NFRKB: variants seen among roughly 807,000 people sequenced by gnomAD.
NFRKB encodes the protein nuclear factor related to kappaB binding protein, also known as nuclear factor related to kappa-B-binding protein.
NFRKB carries 62 observed loss-of-function variants against 135.7 expected under a neutral mutation model. The observed-to-expected ratio is 0.46, with a 90% CI of 0.37 to 0.56. NFRKB has a LOEUF of 0.56. Ranked by LOEUF, NFRKB falls within the 20% of genes least tolerant of loss-of-function variation. The pLI is 0.00. For missense variants in NFRKB, 1,545 were observed against 1,662.0 expected (o/e 0.93, Z 1.22); for synonymous variants, 678 against 635.6 (o/e 1.07, Z -1.00).
chr11:129,875,357 C>T lies in NFRKB; in HGVS notation c.1854G>A (p.Gln618=). 1 of 1,609,448 alleles carries T rather than the reference C, an allele frequency of 6.2e-7. No individual in the cohort carries two copies. The highest frequency in any genetic ancestry group is 8.5e-7 in the Non-Finnish European group (1 of 1,177,126). Residue 618 remains glutamine, a splice_region_variant and synonymous_variant, in exon 18 of 27, where the codon CAG becomes CAA. Transcript: ENST00000682444. The part of the protein sequence containing the change: ...QFLAPDVTST[Q]VNTVVSGALD... ...AAAAGTAATCTCTTCTCCGTCCTAC[C>T]TGAGTGCTGGTGACATCTGGTGCAA...
Position 129,879,677 on chromosome 11 carries a change from G to A in NFRKB, c.1385-1134C>T, listed in dbSNP as rs530511418. ...ATCTCTATAGTCAACCCCTGCCCCC[G>A]CACTCTCATGCTGTCACTCAGCCCC... On this transcript the variant is annotated intron_variant, in intron 13 of 26. Coordinates refer to ENST00000682444, the MANE Select transcript of NFRKB (RefSeq NM_001143835.2). 3.9e-5 allele frequency among the ~76,000 whole-genome samples: 6 copies of A among 152,100 alleles called. No homozygotes were observed. The East Asian group carries it at 7.7e-4, about 20-fold the overall frequency.
chr11:129,883,093 A>G, intron 9 of NFRKB, 29 bp downstream of exon 9: 2 of 1,604,682 alleles, frequency 1.2e-6, no homozygotes, highest in Non-Finnish European at 1.7e-6. Flanking sequence ...TAGTCAGATG[A>G]AGGCTCCTAG....
chr11:129,890,005 G>C (rs925187401), intron 3 of NFRKB, among the ~76,000 whole-genome samples: 1 of 146,188 alleles, frequency 6.8e-6, no homozygotes, highest in Non-Finnish European at 1.5e-5. Context: ...ATACGCTTCT[G>C]TGTGATACTT....
intron 23 of NFRKB, 82 bp downstream of exon 23, chr11:129,872,802 A>T: frequency 7.3e-7 from 1 of 1,365,044 alleles, no homozygotes; most frequent in Non-Finnish European, 1.0e-6. Context: ...ATGGGCATGC[A>T]GTCTGGCCAA....
intron 1 of NFRKB, among the ~76,000 whole-genome samples, chr11:129,894,757 G>A (rs1486055370): frequency 6.6e-6 from 1 of 152,184 alleles, no homozygotes; most frequent in East Asian, 1.9e-4. Context: ...ACAGCACATA[G>A]CATGTGAGTT....
Position 129,874,012 on chromosome 11 carries a change from A to G in NFRKB, c.2283T>C (p.Val761=), listed in dbSNP as rs758179635. Residue 761 remains valine, a synonymous_variant, in exon 22 of 27, where the codon GTT becomes GTC. Coordinates refer to ENST00000682444, the MANE Select transcript of NFRKB (RefSeq NM_001143835.2). This position sits in a 1 kb window ranked among gnomAD's most constrained non-coding sequence, Gnocchi z 4.5. ...VSEPAKSSSG[V]LLVSSPTMPH... is the part of the protein sequence containing the mutation. ...GCATTGTTGGTGAAGACACCAGAAG[A>G]ACACTATGAAGAACATCGGGGAAAG... 1.2e-6 allele frequency: 2 copies of G among 1,611,928 alleles called. No homozygotes were observed. Among genetic ancestry groups the G allele is most frequent in the Non-Finnish European group, 1.7e-6 (2 of 1,178,742 alleles).
At position 129,890,278 on chromosome 11, in the gene NFRKB, G is replaced by C. The variant is rs1949496496; in HGVS notation, c.136-1483C>G. 3.9e-5 allele frequency among the ~76,000 whole-genome samples: 6 copies of C among 152,190 alleles called. No homozygotes were observed. In the South Asian group the frequency reaches 1.2e-3, roughly 32 times the overall value. On this transcript the variant is annotated intron_variant, in intron 3 of 26. Coordinates refer to ENST00000682444, the MANE Select transcript of NFRKB (RefSeq NM_001143835.2). ...AAAACACCTCAGTCCCAATGCCCAG[G>C]ATCTTCCCCTGCAAGCCTATTTTTG...
In NFRKB at chr11:129,874,440, C is replaced by A. The variant is rs1056704736; in HGVS notation, c.2058+61G>T. On this transcript the variant is annotated intron_variant, in intron 20 of 26. Transcript: ENST00000682444. This position sits in a 1 kb window ranked among gnomAD's most constrained non-coding sequence, Gnocchi z 4.5. ...CCCACACCAAGTGAAAGCCGAGCAG[C>A]CACTCTTAGTTGCCTCCATCCCAGA... 7.0e-6 allele frequency: 11 copies of A among 1,571,696 alleles called. No homozygotes were observed. The Admixed American group carries it at 2.1e-4, about 30-fold the overall frequency.
chr11:129,888,978 A>ATT (rs375449345), intron 3 of NFRKB, among the ~76,000 whole-genome samples, 183 bp from the exon 4 acceptor site: 1 of 143,840 alleles, frequency 7.0e-6, no homozygotes, highest in African/African-American at 2.5e-5. Context: ...AATTTTTTAC[A>ATT]TTTTTTTTTT....
intron 5 of NFRKB, among the ~76,000 whole-genome samples, 183 bp downstream of exon 5, chr11:129,886,134 C>T (rs1229850836): frequency 6.6e-6 from 1 of 152,214 alleles, no homozygotes; most frequent in Non-Finnish European, 1.5e-5. Flanking sequence ...TTTAACATCT[C>T]TGAAATCAGG....
Position 129,872,954 on chromosome 11 carries a change from C to T in NFRKB, c.2693G>A (p.Gly898Glu). 1.2e-6 allele frequency: 2 copies of T among 1,614,082 alleles called. No homozygotes were observed. The highest frequency in any genetic ancestry group is 1.7e-6 in the Non-Finnish European group (2 of 1,179,980). ...CGTGGAGGCACTGGGAGCAGAGGTC[C>T]CAGGAGAACTCGTGGCTGGCTTACT... ...PVSKPATSSP[G>E]TSAPSASTAA... The change falls in exon 23 of 27, where the codon GGG becomes GAG. Residue 898 changes from glycine (G) to glutamate (E), a missense_variant. By Grantham distance (98) the Gly-to-Glu change is moderately conservative. Coordinates refer to ENST00000682444, the MANE Select transcript of NFRKB (RefSeq NM_001143835.2).
chr11:129,884,706 A>G lies in NFRKB; in HGVS notation c.742+39T>C. On this transcript the variant is annotated intron_variant, in intron 7 of 26. Transcript: ENST00000682444. Reference sequence around the variant, plus strand: ...AAAGGAGTTTTCAGGTCTCCACCGCAATGTCCCAGAATGGTGACAGCGGCA... The same window carrying G: ...AAAGGAGTTTTCAGGTCTCCACCGCGATGTCCCAGAATGGTGACAGCGGCA... 4 of 1,610,032 alleles carry G rather than the reference A, an allele frequency of 2.5e-6. No homozygotes were observed. The South Asian group carries it at 3.3e-5, about 13-fold the overall frequency.
At chr11:129,889,757 G>A (rs1360351910) in intron 3 of NFRKB, among the ~76,000 whole-genome samples, 3 of 151,324 alleles carry the variant, frequency 2.0e-5, no homozygotes, top group African/African-American at 4.8e-5. Context: ...GAAAAAAGAC[G>A]GTGGGGGAGA....
At chr11:129,866,422 C>G (rs1948194631) in intron 24 of NFRKB, among the ~76,000 whole-genome samples, 1 of 151,820 alleles carries the variant, frequency 6.6e-6, no homozygotes, top group East Asian at 1.9e-4. Flanking sequence ...CAGAGGAGCT[C>G]AAGAGTTAAT....
rs1949064962 is a variant in NFRKB at position 129,882,269 on chromosome 11, T to C, written c.1083-75A>G. 5 of 1,404,774 alleles carry C rather than the reference T, an allele frequency of 3.6e-6. No homozygotes were observed. The East Asian group carries it at 9.1e-5, about 26-fold the overall frequency. 87.0% of individuals were successfully genotyped at this position (1,404,774 alleles called of 1,614,324 possible). On this transcript the variant is annotated intron_variant, in intron 10 of 26. Coordinates refer to ENST00000682444, the MANE Select transcript of NFRKB (RefSeq NM_001143835.2). ...CTAGATTGATTCAGGCGCCCAAGCC[T>C]CCTAGCAGTCATAAAAGAGTTCAAG...
chr11:129,885,701 G>T, intron 5 of NFRKB, 92 bp from the exon 6 acceptor site: 1 of 1,253,992 alleles, frequency 8.0e-7, no homozygotes, highest in Non-Finnish European at 1.1e-6. Context: ...CTTCTCTTCA[G>T]TGTTAAGCCC....
intron 3 of NFRKB, among the ~76,000 whole-genome samples, chr11:129,891,592 C>T (rs762351354): frequency 2.0e-5 from 3 of 152,196 alleles, no homozygotes; most frequent in Non-Finnish European, 4.4e-5. Flanking sequence ...TAAGGCCCTA[C>T]ACAGAAATTC....
chr11:129,873,071 T>G lies in NFRKB; in HGVS notation c.2576A>C (p.Lys859Thr), dbSNP rs769480182. The change falls in exon 23 of 27, where the codon AAA (lysine) becomes ACA (threonine). Residue 859 changes from lysine (K) to threonine (T), a missense_variant. This residue lies in a region of NFRKB where 753 missense variants were observed against 804.3 expected (regional missense o/e 0.94). Coordinates refer to ENST00000682444, the MANE Select transcript of NFRKB (RefSeq NM_001143835.2). ...PQTVMATVPV[K>T]AQTTAATVQR... The stretch of plus-strand genomic sequence containing the variant: ...CACAGTGGCTGCCGTAGTCTGCGCT[T>G]TGACGGGCACAGTGGCCATTACTGT... 35 of 1,611,594 alleles carry G rather than the reference T, an allele frequency of 2.2e-5. No individual in the cohort carries two copies. The highest frequency in any genetic ancestry group is 7.6e-6 in the Non-Finnish European group (9 of 1,178,862).
At chr11:129,886,476 C>G in intron 4 of NFRKB, 32 bp from the exon 5 acceptor site, 1 of 1,596,864 alleles carries the variant, frequency 6.3e-7, no homozygotes, top group Non-Finnish European at 8.6e-7. Flanking sequence ...ATATTTACAT[C>G]AATCAACAAA....
Sources: gnomAD v4.1 joint callset for allele counts (sites outside exome capture counted in the v4.1 genomes callset) on GRCh38, gnomAD v4.1.1 for gene constraint, gnomAD v4.1.1 regional missense constraint, Gnocchi (gnomAD v3.1) non-coding constraint, MANE v1.5 for transcripts, NCBI Gene and HGNC (gene_info 2026-07-23, HGNC 2026-07-21) for gene names.